Variants in ANXA8L1 observed in about 807,000 individuals in gnomAD.
The protein encoded by ANXA8L1 is annexin A8 like 1.
A neutral mutation model predicts 22.5 loss-of-function variants in ANXA8L1; 10 were observed. The ratio of observed to expected loss-of-function variants is 0.44; its 90% confidence interval spans 0.27 to 0.75. The LOEUF is 0.75. Ranked by LOEUF, ANXA8L1 falls within the 30% of genes least tolerant of loss-of-function variation. ANXA8L1 has a pLI of 0.15. For synonymous variants in ANXA8L1, 36 were observed against 86.0 expected (o/e 0.42, Z 3.22); for missense variants, 88 against 219.6 (o/e 0.40, Z 3.79).
chr10:46,379,171 C>A (rs1229412980), intron 1 of ANXA8L1, among the ~76,000 whole-genome samples: 1 of 151,882 alleles, frequency 6.6e-6, no homozygotes, highest in Non-Finnish European at 1.5e-5. Flanking sequence ...ACACTTATGT[C>A]CATGTTAATC....
chr10:46,391,018 A>AG lies in ANXA8L1; in HGVS notation c.*94dup, dbSNP rs1165547703. 8.6e-6 allele frequency: 9 copies of AG among 1,045,116 alleles called. No homozygotes were observed. Among genetic ancestry groups the AG allele is most frequent in the African/African-American group, 6.4e-5 (3 of 46,654 alleles). The allele number at this position is 1,045,116 out of a possible 1,614,324, so 64.7% of individuals were successfully genotyped here. A position where few individuals can be genotyped will look rare whatever the true frequency, so the allele number is the denominator to read the frequency against. Reference sequence around the variant, plus strand: ...CGGCCATGGACGCAGGTTGGGTGTGAGGGGGGTCCCAGCCTTTCGGTCTTC... The same window carrying AG: ...CGGCCATGGACGCAGGTTGGGTGTGAGGGGGGGTCCCAGCCTTTCGGTCTTC... On this transcript the variant is annotated 3_prime_UTR_variant, in exon 12 of 12. Coordinates refer to ENST00000619162, the MANE Select transcript of ANXA8L1 (RefSeq NM_001098845.3).
intron 3 of ANXA8L1, chr10:46,381,442 C>T: frequency 2.2e-6 from 1 of 451,004 alleles, no homozygotes; most frequent in East Asian, 2.9e-5. Context: ...TCTGGCAGAT[C>T]TACTTTTAGG....
At position 46,390,947 on chromosome 10, in the gene ANXA8L1, A is replaced by G; in HGVS notation, c.*17A>G. 7.5e-7 allele frequency: 1 copy of G among 1,341,624 alleles called. No individual in the cohort carries two copies. Among genetic ancestry groups the G allele is most frequent in the Non-Finnish European group, 1.0e-6 (1 of 978,058 alleles). 83.1% of individuals were successfully genotyped at this position (1,341,624 alleles called of 1,614,324 possible). The stretch of plus-strand genomic sequence containing the variant: ...GACCCCTGAGGCACAGAAGAACAAG[A>G]GCAAAGACCATGAAGCCAGAGTCTC... On this transcript the variant is annotated 3_prime_UTR_variant, in exon 12 of 12. Transcript: ENST00000619162.
rs1224985380 is a variant in ANXA8L1 at position 46,384,761 on chromosome 10, C to T, written c.493-13C>T. 107 of 1,613,226 alleles carry T rather than the reference C, an allele frequency of 6.6e-5. No homozygotes were observed. The highest frequency in any genetic ancestry group is 5.8e-4 in the Admixed American group (35 of 59,960). ...GCTGGCCTGCCTTACAGAGCCACCT[C>T]CTCTGTTCCTAGGGCAGCAGGGATG... On this transcript the variant is annotated splice_polypyrimidine_tract_variant and intron_variant, in intron 6 of 11. Coordinates refer to ENST00000619162, the MANE Select transcript of ANXA8L1 (RefSeq NM_001098845.3).
chr10:46,384,738 T>C, intron 6 of ANXA8L1, 36 bp from the exon 7 acceptor site: 2 of 1,612,916 alleles, frequency 1.2e-6, no homozygotes, highest in East Asian at 4.5e-5. Flanking sequence ...TCTGGTCAGC[T>C]GGCCTGCCTT....
At chr10:46,378,732 A>G (rs1337289770) in intron 1 of ANXA8L1, among the ~76,000 whole-genome samples, 15 of 68,514 alleles carry the variant, frequency 2.2e-4, no homozygotes, top group Admixed American at 7.9e-4. Context: ...GTGCTAAGAA[A>G]TGACTCAGGA....
rs1190274208 is a variant in ANXA8L1, at chr10:46,385,361, G to T, written c.553-19G>T. 1.2e-6 allele frequency: 1 copy of T among 829,104 alleles called. No individual in the cohort carries two copies. Among genetic ancestry groups the T allele is most frequent in the Non-Finnish European group, 1.8e-6 (1 of 569,736 alleles). 51.4% of individuals were successfully genotyped at this position (829,104 alleles called of 1,614,324 possible). On this transcript the variant is annotated intron_variant, in intron 7 of 11. Transcript: ENST00000619162. ...CCCTGGTCTCCCTCACTGGCTTATT[G>T]TGGGTGTCCCAATGCTAGGATCTGT...
At chr10:46,376,980 T>TA (rs1485297986) in intron 1 of ANXA8L1, among the ~76,000 whole-genome samples, 4,978 of 113,636 alleles carry the variant, frequency 0.044, 692 homozygotes, top group African/African-American at 0.14. Flanking sequence ...GGATCATAGA[T>TA]GTCGCAACCC....
rs1283885449 is a variant in ANXA8L1, at chr10:46,383,294, C to T, written c.322-162C>T. ...CACAGCACTTGCCCTCAATGTTCATCACTGAAGACAAGCATGTGATTTTCT... is the reference window on the plus strand; with the variant it reads ...CACAGCACTTGCCCTCAATGTTCATTACTGAAGACAAGCATGTGATTTTCT... On this transcript the variant is annotated intron_variant, in intron 4 of 11. Coordinates refer to ENST00000619162, the MANE Select transcript of ANXA8L1 (RefSeq NM_001098845.3). 1.7e-3 allele frequency among the ~76,000 whole-genome samples: 251 copies of T among 151,502 alleles called. 7 individuals are homozygous for T. The highest frequency in any genetic ancestry group is 5.8e-3 in the African/African-American group (238 of 40,910).
intron 11 of ANXA8L1, among the ~76,000 whole-genome samples, chr10:46,389,429 A>G (rs1363458379): frequency 2.8e-5 from 4 of 144,666 alleles, no homozygotes; most frequent in African/African-American, 1.1e-4. Flanking sequence ...AACTTACGGC[A>G]TCAGAGAGAT....
chr10:46,383,246 G>C (rs1177129948), intron 4 of ANXA8L1, among the ~76,000 whole-genome samples: 22 of 149,832 alleles, frequency 1.5e-4, no homozygotes, highest in African/African-American at 5.5e-4. Context: ...TAAGGAGGGA[G>C]AGCTGAGACA....
At chr10:46,385,525 G>A (rs1840026904) in intron 8 of ANXA8L1, 52 bp downstream of exon 8, 1 of 1,288,378 alleles carries the variant, frequency 7.8e-7, no homozygotes, top group Non-Finnish European at 1.1e-6. Flanking sequence ...TCCTGGCCAT[G>A]AGCCTCTCCC....
intron 1 of ANXA8L1, among the ~76,000 whole-genome samples, chr10:46,378,375 G>A (rs1839955662): frequency 7.7e-6 from 1 of 129,950 alleles, no homozygotes; most frequent in Non-Finnish European, 1.6e-5. Context: ...TAGGGCAGGG[G>A]AGGTAGATAG....
At chr10:46,383,228 C>A (rs1365147627) in intron 4 of ANXA8L1, among the ~76,000 whole-genome samples, 1 of 147,702 alleles carries the variant, frequency 6.8e-6, no homozygotes, top group East Asian at 2.0e-4. Context: ...TGTCTGAGAC[C>A]ACCCAGCTAA....
chr10:46,383,604 C>A, intron 5 of ANXA8L1, 58 bp downstream of exon 5: 2 of 445,058 alleles, frequency 4.5e-6, no homozygotes, highest in Non-Finnish European at 7.7e-6. Context: ...GGCAGCCTGG[C>A]AGGGAACAAG....
chr10:46,381,116 A>C (rs1376621159), intron 2 of ANXA8L1, 30 bp from the exon 3 acceptor site: 2 of 487,978 alleles, frequency 4.1e-6, no homozygotes, highest in East Asian at 5.9e-5. Context: ...CCCTGGGGGC[A>C]GCAGGGTCAC....
intron 6 of ANXA8L1, 62 bp from the exon 7 acceptor site, chr10:46,384,712 C>A (rs1413244755): frequency 2.9e-5 from 47 of 1,612,090 alleles, no homozygotes; most frequent in Non-Finnish European, 4.0e-5. Context: ...CAGGATCCCC[C>A]CTGTGCCCTT....
chr10:46,377,481 G>A (rs1304622672), intron 1 of ANXA8L1, among the ~76,000 whole-genome samples: 3 of 64,718 alleles, frequency 4.6e-5, no homozygotes, highest in African/African-American at 6.8e-5. Flanking sequence ...ACTAGTAAGT[G>A]TGAGAGTCTA....
intron 5 of ANXA8L1, 36 bp downstream of exon 5, chr10:46,383,582 G>A: frequency 3.8e-6 from 2 of 525,026 alleles, no homozygotes; most frequent in Non-Finnish European, 6.3e-6. Context: ...CTCAGGAGTG[G>A]CCACAAGCTT....
Sources: gnomAD v4.1 joint callset for allele counts (sites outside exome capture counted in the v4.1 genomes callset) on GRCh38, gnomAD v4.1.1 for gene constraint, MANE v1.5 for transcripts, NCBI Gene and HGNC (gene_info 2026-07-23, HGNC 2026-07-21) for gene names.